PDE6C: variants seen among roughly 807,000 people sequenced by gnomAD.
PDE6C encodes phosphodiesterase 6C.
PDE6C carries 75 observed loss-of-function variants against 113.1 expected under a neutral mutation model. The ratio of observed to expected loss-of-function variants is 0.66; its 90% confidence interval spans 0.55 to 0.80. PDE6C has a LOEUF of 0.80. PDE6C is among the 30% of genes least tolerant of loss of function. PDE6C has a pLI of 0.00. For missense variants in PDE6C, 912 were observed against 1,038.6 expected (o/e 0.88, Z 1.67); for synonymous variants, 375 against 363.7 (o/e 1.03, Z -0.35).
intron 15 of PDE6C, among the ~76,000 whole-genome samples, chr10:93,653,699 T>C (rs1235790312): frequency 6.6e-6 from 1 of 152,068 alleles, no homozygotes; most frequent in African/African-American, 2.4e-5. Flanking sequence ...TTGATTTTGA[T>C]CCAGATAATC....
intron 18 of PDE6C, among the ~76,000 whole-genome samples, chr10:93,659,883 C>G (rs2058658243): frequency 6.6e-6 from 1 of 152,214 alleles, no homozygotes; most frequent in South Asian, 2.1e-4. Flanking sequence ...CTCCTATAGT[C>G]TCTTCTTCAA....
At chr10:93,619,774 A>G (rs933465318) in intron 1 of PDE6C, among the ~76,000 whole-genome samples, 1 of 152,226 alleles carries the variant, frequency 6.6e-6, no homozygotes, top group African/African-American at 2.4e-5. Flanking sequence ...GAAAAACTGT[A>G]TGTTCCTGTG....
chr10:93,617,587 A>G (rs948261070), intron 1 of PDE6C, among the ~76,000 whole-genome samples: 1 of 152,188 alleles, frequency 6.6e-6, no homozygotes, highest in Admixed American at 6.5e-5. Context: ...CAGCCTGGCC[A>G]ACACAGTGAA....
At chr10:93,626,415 C>G (rs1379789716) in intron 5 of PDE6C, among the ~76,000 whole-genome samples, 1 of 152,122 alleles carries the variant, frequency 6.6e-6, no homozygotes, top group Admixed American at 6.5e-5. Flanking sequence ...TTTTTAAAAA[C>G]AAAATTTATT....
rs143533596 is a variant in PDE6C, at chr10:93,642,822, G to C, written c.1847+1793G>C. Among the ~76,000 whole-genome samples the C allele has an allele frequency of 4.1e-3, 632 of 152,322 alleles. 4 individuals are homozygous for C. Among genetic ancestry groups the C allele is most frequent in the African/African-American group, 0.014 (598 of 41,574 alleles). The stretch of plus-strand genomic sequence containing the variant: ...GAGCGAAAAGCACTTTGTAAGCAGT[G>C]ACTCCTCATCTTCAGCAATTCTACC... On this transcript the variant is annotated intron_variant, in intron 14 of 21. Coordinates refer to ENST00000371447, the MANE Select transcript of PDE6C (RefSeq NM_006204.4).
rs77709258 is a variant in PDE6C, at chr10:93,614,556, A to T, written c.480+1351A>T. Among the ~76,000 whole-genome samples the T allele has an allele frequency of 2.6e-3, 399 of 152,304 alleles. 11 individuals carry two copies. The East Asian group carries it at 0.054, about 21-fold the overall frequency. On this transcript the variant is annotated intron_variant, in intron 1 of 21. Transcript: ENST00000371447. ...GTCTGCACATCCTGAGGTTTTTCTC[A>T]TGGGAATACGCTCCTTGAGGGTCCC...
chr10:93,657,761 T>C (rs1185021347), intron 16 of PDE6C, among the ~76,000 whole-genome samples: 1 of 152,136 alleles, frequency 6.6e-6, no homozygotes, highest in Non-Finnish European at 1.5e-5. Flanking sequence ...TATGAGAGTT[T>C]CTCTAAGAAA....
In PDE6C at chr10:93,635,481, C is replaced by A. The variant is rs1175574540; in HGVS notation, c.1270-16C>A. ...TTTCACTGAAGAGAATTAGAATCAC[C>A]TTTTATCCATTTCAGACTCTCACAC... On this transcript the variant is annotated splice_polypyrimidine_tract_variant and intron_variant, in intron 9 of 21. Coordinates refer to ENST00000371447, the MANE Select transcript of PDE6C (RefSeq NM_006204.4). The A allele has an allele frequency of 6.2e-7, 1 of 1,606,380 alleles. No individual in the cohort carries two copies. The highest frequency in any genetic ancestry group is 1.1e-5 in the South Asian group (1 of 90,808).
rs374805348 is a variant in PDE6C at position 93,625,654 on chromosome 10, G to A, written c.939+5G>A. On this transcript the variant is annotated splice_donor_5th_base_variant and intron_variant, in intron 5 of 21. Coordinates refer to ENST00000371447, the MANE Select transcript of PDE6C (RefSeq NM_006204.4). ...CCAAAGACACCTGATGGCAGGGTAC[G>A]TGCAAATGTCTTCCTTGATGCCATC... The A allele has an allele frequency of 1.2e-5, 19 of 1,601,072 alleles. 1 individual carries two copies. Among genetic ancestry groups the A allele is most frequent in the South Asian group, 5.5e-5 (5 of 90,776 alleles).
chr10:93,651,580 C>T (rs1255907502), intron 15 of PDE6C, among the ~76,000 whole-genome samples: 1 of 152,176 alleles, frequency 6.6e-6, no homozygotes, highest in Non-Finnish European at 1.5e-5. Flanking sequence ...CCAGGTTCCT[C>T]CCTCAACACC....
chr10:93,639,145 C>T (rs944579297), intron 11 of PDE6C, among the ~76,000 whole-genome samples: 35 of 152,178 alleles, frequency 2.3e-4, no homozygotes, highest in African/African-American at 8.4e-4. Context: ...AGCACTTTCT[C>T]ACCCACATGG....
intron 15 of PDE6C, among the ~76,000 whole-genome samples, chr10:93,654,944 A>T (rs1822635569): frequency 6.6e-6 from 1 of 151,220 alleles, no homozygotes; most frequent in South Asian, 2.1e-4. Context: ...AGTAGGTGGG[A>T]CCCCAGGCAC....
chr10:93,644,856 T>TATATATA (rs1444657184), intron 14 of PDE6C, among the ~76,000 whole-genome samples: 19 of 143,736 alleles, frequency 1.3e-4, no homozygotes, highest in Non-Finnish European at 1.2e-4. Context: ...ATATATATAG[T>TATATATA]GTATATATAT....
In PDE6C at chr10:93,645,963, C is replaced by A; in HGVS notation, c.1851C>A (p.Ser617=). The change falls in exon 15 of 22, where the codon TCC becomes TCA. Residue 617 remains serine, a synonymous_variant. Transcript: ENST00000371447. The part of the protein sequence containing the change: ...RGTNNLYQMK[S]TSPLARLHGS... ...TGGCATGTTGTTTTCCTTCTAGATCCACGTCTCCATTAGCAAGACTTCATG... is the reference window on the plus strand; with the variant it reads ...TGGCATGTTGTTTTCCTTCTAGATCAACGTCTCCATTAGCAAGACTTCATG... 1 of 1,586,806 alleles carries A rather than the reference C, an allele frequency of 6.3e-7. No individual in the cohort carries two copies. Among genetic ancestry groups the A allele is most frequent in the Middle Eastern group, 1.7e-4 (1 of 6,030 alleles).
chr10:93,638,734 G>A (rs538308272), intron 11 of PDE6C, among the ~76,000 whole-genome samples: 8 of 152,236 alleles, frequency 5.3e-5, no homozygotes, highest in South Asian at 4.2e-4. Context: ...TCCCAGCTAC[G>A]TAATTATTTG....
At chr10:93,614,547 G>C (rs2058410971) in intron 1 of PDE6C, among the ~76,000 whole-genome samples, 1 of 152,168 alleles carries the variant, frequency 6.6e-6, no homozygotes, top group South Asian at 2.1e-4. Flanking sequence ...ACATCCTGAG[G>C]TTTTTCTCAT....
intron 11 of PDE6C, among the ~76,000 whole-genome samples, chr10:93,638,284 G>C (rs940978226): frequency 2.6e-5 from 4 of 151,998 alleles, no homozygotes; most frequent in African/African-American, 7.3e-5. Context: ...TCCCACCCAG[G>C]GCCTTTGCTC....
chr10:93,629,277 C>T lies in PDE6C; in HGVS notation c.1091C>T (p.Ala364Val), dbSNP rs769748176. 2 of 1,611,490 alleles carry T rather than the reference C, an allele frequency of 1.2e-6. No individual in the cohort carries two copies. Among genetic ancestry groups the T allele is most frequent in the Non-Finnish European group, 1.7e-6 (2 of 1,177,604 alleles). Residue 364 changes from alanine to valine, a missense_variant, in exon 8 of 22, where the codon GCC becomes GTC. By Grantham distance (64) the Ala-to-Val change is moderately conservative. Transcript: ENST00000371447. ...ENGFICNMMN[A>V]PADEYFTFQK... ...TTCCAGATCTGTAACATGATGAATG[C>T]CCCTGCGGATGAATACTTCACATTT...
chr10:93,630,411 A>C (rs1388217953), intron 8 of PDE6C, among the ~76,000 whole-genome samples: 2 of 115,152 alleles, frequency 1.7e-5, no homozygotes, highest in Non-Finnish European at 1.7e-5. Flanking sequence ...CCCACCTGTC[A>C]TCTCTGCCAC....
Sources: allele counts gnomAD v4.1 joint callset (sites outside exome capture counted in the v4.1 genomes callset), GRCh38; gene constraint gnomAD v4.1.1; transcripts MANE v1.5; gene names NCBI Gene and HGNC (gene_info 2026-07-23, HGNC 2026-07-21).